UGT1A10: variants seen among roughly 807,000 people sequenced by gnomAD.
The protein encoded by UGT1A10 is UDP-glucuronosyltransferase 1A10.
A neutral mutation model predicts 45.8 loss-of-function variants in UGT1A10; 49 were observed. The observed-to-expected ratio is 1.07, with a 90% CI of 0.85 to 1.36. The LOEUF is 1.36. UGT1A10 is among the 40% of genes most tolerant of loss of function. The pLI is 0.00. For synonymous variants in UGT1A10, 284 were observed against 249.7 expected, an observed-to-expected ratio of 1.14 and a Z score of -1.29; for missense variants, 745 against 668.6, an observed-to-expected ratio of 1.11 and a Z score of -1.26.
At chr2:233,748,654 C>T (rs1693998428) in intron 1 of UGT1A10, among the ~76,000 whole-genome samples, 1 of 151,632 alleles carries the variant, frequency 6.6e-6, no homozygotes, top group Admixed American at 6.6e-5. Flanking sequence ...ACACTGAGTT[C>T]AGTTTCCAGA....
rs760373903 is a variant in UGT1A10 at position 233,682,308 on chromosome 2, G to T, written c.855+44931G>T. ...ATTTTTGACTTATTTTTTTCAAATTGCAGGAGTTTGTTTAATGACCGAAAA... is the reference window on the plus strand; with the variant it reads ...ATTTTTGACTTATTTTTTTCAAATTTCAGGAGTTTGTTTAATGACCGAAAA... On this transcript the variant is annotated intron_variant, in intron 1 of 4. Coordinates refer to ENST00000344644, the MANE Select transcript of UGT1A10 (RefSeq NM_019075.4). The T allele has an allele frequency of 5.0e-6, 8 of 1,614,108 alleles. No homozygotes were observed. The South Asian group carries it at 8.8e-5, about 18-fold the overall frequency.
intron 1 of UGT1A10, among the ~76,000 whole-genome samples, chr2:233,650,788 G>A (rs1271373670): frequency 6.6e-6 from 1 of 152,046 alleles, no homozygotes; most frequent in African/African-American, 2.4e-5. Flanking sequence ...ATTCAGACAT[G>A]TTTTAACAAG....
intron 1 of UGT1A10, among the ~76,000 whole-genome samples, chr2:233,673,431 G>A (rs17862856): frequency 0.19 from 28,327 of 151,926 alleles, 2,802 homozygotes; most frequent in Non-Finnish European, 0.23. Context: ...GAATAGGGCC[G>A]TGTAAACACT....
At chr2:233,656,543 C>G (rs1470431661) in intron 1 of UGT1A10, among the ~76,000 whole-genome samples, 1 of 152,208 alleles carries the variant, frequency 6.6e-6, no homozygotes, top group Non-Finnish European at 1.5e-5. Context: ...ATAGTTTATT[C>G]TTTAAGTGTA....
intron 1 of UGT1A10, chr2:233,752,519 T>C (rs1480791131): frequency 6.6e-6 from 1 of 152,208 alleles, no homozygotes; most frequent in East Asian, 1.9e-4. Context: ...ATTTTTCAAT[T>C]CTAAAAATTC....
chr2:233,750,369 G>A (rs1694438903), intron 1 of UGT1A10, among the ~76,000 whole-genome samples: 1 of 151,932 alleles, frequency 6.6e-6, no homozygotes, highest in African/African-American at 2.4e-5. Flanking sequence ...TAAAAGGGAA[G>A]CAGAGCATAA....
chr2:233,682,318 G>A (rs1468260604), intron 1 of UGT1A10: 8 of 1,613,998 alleles, frequency 5.0e-6, no homozygotes, highest in Non-Finnish European at 6.8e-6. Context: ...GCAGGAGTTT[G>A]TTTAATGACC....
chr2:233,692,816 T>G (rs2075115835), intron 1 of UGT1A10: 1 of 1,429,336 alleles, frequency 7.0e-7, no homozygotes, highest in Non-Finnish European at 9.1e-7. Flanking sequence ...TTGGTTCATA[T>G]TAACCATGTG....
intron 1 of UGT1A10, chr2:233,712,902 G>T: frequency 4.3e-6 from 7 of 1,609,502 alleles, no homozygotes; most frequent in Non-Finnish European, 5.9e-6. Context: ...TTTGCTAGGT[G>T]TCTCAGTGAC....
chr2:233,702,084 A>T (rs2075668919), intron 1 of UGT1A10, among the ~76,000 whole-genome samples: 1 of 152,172 alleles, frequency 6.6e-6, no homozygotes, highest in African/African-American at 2.4e-5. Context: ...GTATAGTCAC[A>T]GATTTGTACA....
chr2:233,747,319 AT>A, intron 1 of UGT1A10: 1 of 1,603,764 alleles, frequency 6.2e-7, no homozygotes, highest in Non-Finnish European at 8.5e-7. Flanking sequence ...GGTGGTACCC[AT>A]TGATGGCAGC....
intron 1 of UGT1A10, among the ~76,000 whole-genome samples, chr2:233,649,355 T>C (rs1401098969): frequency 1.3e-5 from 2 of 152,228 alleles, no homozygotes; most frequent in Non-Finnish European, 2.9e-5. Flanking sequence ...CAAGCAATTA[T>C]GACTTTTTTA....
At chr2:233,761,102 T>C (rs1487885628) in intron 1 of UGT1A10, 1 of 1,614,116 alleles carries the variant, frequency 6.2e-7, no homozygotes, top group Admixed American at 1.7e-5. Context: ...ATGCCCAATA[T>C]GGTTTTTGTT....
intron 1 of UGT1A10, chr2:233,755,362 C>T (rs1695882393): frequency 8.2e-6 from 3 of 365,832 alleles, no homozygotes; most frequent in Admixed American, 3.9e-5. Context: ...CGACCTGGGC[C>T]GCCTGGAGGG....
intron 1 of UGT1A10, among the ~76,000 whole-genome samples, chr2:233,716,543 C>T (rs2076509710): frequency 6.6e-6 from 1 of 152,114 alleles, no homozygotes; most frequent in South Asian, 2.1e-4. Flanking sequence ...CCTTTCTCTC[C>T]TTATATTCCT....
intron 1 of UGT1A10, among the ~76,000 whole-genome samples, chr2:233,646,878 C>T (rs1472630665): frequency 1.3e-5 from 2 of 152,324 alleles, no homozygotes; most frequent in African/African-American, 4.8e-5. Context: ...TTTTCAGTAG[C>T]AATCCACTCT....
intron 1 of UGT1A10, among the ~76,000 whole-genome samples, chr2:233,637,644 A>G (rs940490189): frequency 2.0e-5 from 3 of 152,190 alleles, no homozygotes; most frequent in Non-Finnish European, 4.4e-5. Flanking sequence ...AGTACCAAAA[A>G]CCACAGCAAG....
At chr2:233,725,207 GGCAGA>G (rs1192113071) in intron 1 of UGT1A10, among the ~76,000 whole-genome samples, 1 of 92,368 alleles carries the variant, frequency 1.1e-5, no homozygotes, top group African/African-American at 8.4e-5. Context: ...CAGAGGCAGA[GGCAGA>G]GGCAGAGGAG....
Position 233,768,455 on chromosome 2 carries a change from CAGA to C in UGT1A10, c.1295+21_1295+23del, listed in dbSNP as rs1237588109. On this transcript the variant is annotated intron_variant, in intron 4 of 4. Transcript: ENST00000344644. The stretch of plus-strand genomic sequence containing the variant: ...ATGACAAAAGGTAAGAAAGAAGATA[CAGA>C]AGAATACTTTGGTCATGGCATTCAT... 4 of 1,610,124 alleles carry C rather than the reference CAGA, an allele frequency of 2.5e-6. No homozygotes were observed. The African/African-American group carries it at 5.4e-5, about 22-fold the overall frequency.
Sources: allele counts gnomAD v4.1 joint callset (sites outside exome capture counted in the v4.1 genomes callset), GRCh38; gene constraint gnomAD v4.1.1; transcripts MANE v1.5; gene names NCBI Gene and HGNC (gene_info 2026-07-23, HGNC 2026-07-21).